Variants in FMO1 observed in about 807,000 individuals in gnomAD.
FMO1 encodes the protein flavin-containing monooxygenase 1.
A neutral mutation model predicts 45.4 loss-of-function variants in FMO1; 36 were observed. The observed-to-expected ratio is 0.79, with a 90% CI of 0.61 to 1.05. The LOEUF (loss-of-function observed/expected upper bound fraction) is 1.05. FMO1 is among the 50% of genes least tolerant of loss of function. The pLI, the probability that FMO1 is intolerant of heterozygous loss-of-function variation, is 0.00. For missense variants in FMO1, 615 were observed against 640.3 expected (o/e 0.96, Z 0.43); for synonymous variants, 228 against 227.2 (o/e 1.00, Z -0.03).
chr1:171,263,628 C>T (rs1660473716), intron 2 of FMO1, among the ~76,000 whole-genome samples: 1 of 152,176 alleles, frequency 6.6e-6, no homozygotes, highest in South Asian at 2.1e-4. Context: ...ATGGTTCAAC[C>T]CTCCTCTCCT....
chr1:171,267,932 T>G (rs1035658743), intron 3 of FMO1, among the ~76,000 whole-genome samples: 1 of 152,206 alleles, frequency 6.6e-6, no homozygotes, highest in African/African-American at 2.4e-5. Flanking sequence ...GTGTAAAGAT[T>G]CACAAGTATA....
At chr1:171,254,390 G>A (rs1051676361) in intron 1 of FMO1, among the ~76,000 whole-genome samples, 1 of 151,956 alleles carries the variant, frequency 6.6e-6, no homozygotes, top group Non-Finnish European at 1.5e-5. Context: ...ACCCCGGCCC[G>A]AGTTAATTTT....
Position 171,267,547 on chromosome 1 carries a change from A to G in FMO1, c.137A>G (p.His46Arg). ...GTGTGTGCACTGTTTGTACAGGAACATGTTGAAGAAGGCAGAGCCAGTCTC... is the reference window on the plus strand; with the variant it reads ...GTGTGTGCACTGTTTGTACAGGAACGTGTTGAAGAAGGCAGAGCCAGTCTC... The part of the protein sequence containing the change: ...DLGGLWRFTE[H>R]VEEGRASLYK... Residue 46 changes from histidine to arginine, a missense_variant, in exon 3 of 9, where the codon CAT becomes CGT. His to Arg is a conservative substitution (Grantham distance 29). Transcript: ENST00000617670. 6.3e-7 allele frequency: 1 copy of G among 1,599,010 alleles called. No individual in the cohort carries two copies.
chr1:171,258,277 A>C, intron 2 of FMO1, 58 bp downstream of exon 2: 1 of 1,585,960 alleles, frequency 6.3e-7, no homozygotes. Context: ...GCAGCTGGGA[A>C]ATTATATCTG....
intron 2 of FMO1, among the ~76,000 whole-genome samples, chr1:171,266,699 T>C (rs759146772): frequency 2.0e-5 from 3 of 152,222 alleles, no homozygotes; most frequent in Non-Finnish European, 4.4e-5. Flanking sequence ...CTTGTTCACA[T>C]AAATTAAATA....
At position 171,275,450 on chromosome 1, in the gene FMO1, T is replaced by G. The variant is rs770779006; in HGVS notation, c.426T>G (p.Ala142=). Residue 142 remains alanine (A), a synonymous_variant, in exon 4 of 9, where the codon GCT becomes GCG. Coordinates refer to ENST00000617670, the MANE Select transcript of FMO1 (RefSeq NM_001282693.2). ...AGCAAGAGTCAGCCATCTTTGATGC[T>G]GTCATGGTCTGCACTGGCTTTCTTA... The part of the protein sequence containing the change: ...EEKQESAIFD[A]VMVCTGFLTN... The G allele has an allele frequency of 6.2e-7, 1 of 1,613,686 alleles. No individual in the cohort carries two copies. The highest frequency in any genetic ancestry group is 8.5e-7 in the Non-Finnish European group (1 of 1,179,708).
At chr1:171,250,365 A>T (rs1459796963) in intron 1 of FMO1, among the ~76,000 whole-genome samples, 1 of 152,214 alleles carries the variant, frequency 6.6e-6, no homozygotes, top group African/African-American at 2.4e-5. Context: ...TAAAACTGTT[A>T]ACTACTTTCA....
intron 6 of FMO1, among the ~76,000 whole-genome samples, 155 bp downstream of exon 6, chr1:171,281,140 G>A (rs554795515): frequency 2.0e-5 from 3 of 152,254 alleles, no homozygotes; most frequent in South Asian, 4.1e-4. Context: ...CTGTTCTTAA[G>A]TACTCAGAAA....
chr1:171,280,707 G>A (rs1485868674), intron 5 of FMO1, 79 bp from the exon 6 acceptor site: 1 of 1,235,000 alleles, frequency 8.1e-7, no homozygotes, highest in Non-Finnish European at 1.2e-6. Flanking sequence ...TTCCATTCAT[G>A]ACACTTCTTG....
At chr1:171,270,975 ATCT>A (rs1355599474) in intron 3 of FMO1, 3 of 887,490 alleles carry the variant, frequency 3.4e-6, no homozygotes, top group Non-Finnish European at 3.6e-6. Flanking sequence ...CTTCATCTTC[ATCT>A]TCTTCATCTA....
rs747954466 is a variant in FMO1 at position 171,283,127 on chromosome 1, T to C, written c.1184-17T>C. On this transcript the variant is annotated splice_polypyrimidine_tract_variant and intron_variant, in intron 7 of 8. Coordinates refer to ENST00000617670, the MANE Select transcript of FMO1 (RefSeq NM_001282693.2). ...TAAACTTAAGTTGCATTTGAGGTTT[T>C]TATTTTAATCCTACAGGTGTAAATA... 2.8e-6 allele frequency: 4 copies of C among 1,407,448 alleles called. No homozygotes were observed. The highest frequency in any genetic ancestry group is 4.0e-6 in the Non-Finnish European group (4 of 1,004,274). 87.2% of individuals were successfully genotyped at this position (1,407,448 alleles called of 1,614,324 possible). A position where few individuals can be genotyped will look rare whatever the true frequency, so the allele number is the denominator to read the frequency against.
rs557526509 is a variant in FMO1 at position 171,258,121 on chromosome 1, G to A, written c.34G>A (p.Val12Ile). The part of the protein sequence containing the change: ...AKRVAIVGAG[V>I]SGLASIKCCL... ...GCGAGTTGCCATTGTGGGAGCTGGG[G>A]TCAGCGGCCTGGCCTCCATCAAGTG... The change falls in exon 2 of 9, where the codon GTC becomes ATC. Residue 12 changes from valine (V) to isoleucine (I), a missense_variant. Transcript: ENST00000617670. The A allele has an allele frequency of 9.9e-6, 16 of 1,614,196 alleles. No homozygotes were observed. In the South Asian group the frequency reaches 1.5e-4, roughly 16 times the overall value.
chr1:171,258,943 A>G (rs1457338054), intron 2 of FMO1, among the ~76,000 whole-genome samples: 2 of 152,042 alleles, frequency 1.3e-5, no homozygotes, highest in African/African-American at 4.8e-5. Flanking sequence ...AGCCATTGAA[A>G]CCCTGAAGCC....
At chr1:171,277,694 C>T (rs1661165130) in intron 4 of FMO1, among the ~76,000 whole-genome samples, 1 of 152,324 alleles carries the variant, frequency 6.6e-6, no homozygotes, top group Middle Eastern at 3.4e-3. Flanking sequence ...CAACAGTTCT[C>T]TGATCCATAT....
intron 1 of FMO1, chr1:171,251,684 G>C (rs1047773476): frequency 6.6e-6 from 1 of 150,568 alleles, no homozygotes; most frequent in Non-Finnish European, 1.5e-5. Context: ...AATGACCGGT[G>C]AATAAAGTAC....
intron 7 of FMO1, 43 bp from the exon 8 acceptor site, chr1:171,283,101 C>A: frequency 9.5e-7 from 1 of 1,052,330 alleles, no homozygotes; most frequent in African/African-American, 1.6e-5. Context: ...ACAGCTAGAC[C>A]TAAACTTAAG....
chr1:171,251,506 G>A (rs1019534620), intron 1 of FMO1: 2 of 151,750 alleles, frequency 1.3e-5, no homozygotes, highest in African/African-American at 4.8e-5. Flanking sequence ...ACTTGACCGC[G>A]CGGGTTCTTT....
intron 1 of FMO1, among the ~76,000 whole-genome samples, 178 bp downstream of exon 1, chr1:171,248,801 T>A (rs747741150): frequency 4.0e-5 from 6 of 151,592 alleles, no homozygotes; most frequent in Non-Finnish European, 7.4e-5. Context: ...GTAGTAAATG[T>A]TTGGATACTT....
At chr1:171,253,622 G>T (rs1044212399) in intron 1 of FMO1, among the ~76,000 whole-genome samples, 1 of 152,088 alleles carries the variant, frequency 6.6e-6, no homozygotes, top group African/African-American at 2.4e-5. Flanking sequence ...GTAGCCAGAC[G>T]TGGTGGTGTG....
Sources: gnomAD v4.1 joint callset for allele counts (sites outside exome capture counted in the v4.1 genomes callset) on GRCh38, gnomAD v4.1.1 for gene constraint, MANE v1.5 for transcripts, NCBI Gene and HGNC (gene_info 2026-07-23, HGNC 2026-07-21) for gene names.